Variants in ZFHX3 observed in about 807,000 individuals in gnomAD.
ZFHX3 encodes the protein zinc finger homeobox protein 3.
ZFHX3 carries 42 observed loss-of-function variants against 279.1 expected under a neutral mutation model. The ratio of observed to expected loss-of-function variants is 0.15; its 90% CI spans 0.12 to 0.19. The LOEUF is 0.19. ZFHX3 is among the 10% of genes least tolerant of loss of function. The pLI, the probability that ZFHX3 is intolerant of heterozygous loss-of-function variation, is 1.00. For missense variants in ZFHX3, 4,981 were observed against 4,754.0 expected (o/e 1.05, Z -1.40); for synonymous variants, 2,293 against 1,957.8 (o/e 1.17, Z -4.52).
At chr16:72,984,395 G>T (rs538410321) in intron 1 of ZFHX3, among the ~76,000 whole-genome samples, 2 of 152,322 alleles carry the variant, frequency 1.3e-5, no homozygotes, top group Admixed American at 1.3e-4. Context: ...GGGAGGCTGA[G>T]GTGGGAGGAT....
intron 1 of ZFHX3, among the ~76,000 whole-genome samples, chr16:73,754,222 C>T (rs1364911284): frequency 1.3e-5 from 2 of 152,142 alleles, no homozygotes; most frequent in Admixed American, 1.3e-4. Flanking sequence ...ACTCAAAAAA[C>T]GTCCGCAGCC....
chr16:72,964,149 T>C (rs1450442431), intron 1 of ZFHX3, among the ~76,000 whole-genome samples: 8 of 152,162 alleles, frequency 5.3e-5, no homozygotes, highest in Admixed American at 5.2e-4. Flanking sequence ...GCAGCATACA[T>C]CAAAGGCCTC....
At chr16:73,137,197 C>G (rs1966810443) in intron 6 of ZFHX3, 1 of 152,152 alleles carries the variant, frequency 6.6e-6, no homozygotes, top group Non-Finnish European at 1.5e-5. Context: ...CTAGCCAGTG[C>G]TATCTGGATA....
intron 3 of ZFHX3, among the ~76,000 whole-genome samples, chr16:73,390,558 T>A (rs1034169330): frequency 6.6e-5 from 10 of 152,152 alleles, no homozygotes; most frequent in African/African-American, 2.2e-4. Context: ...ACTCAACAAA[T>A]CATAAAGCAG....
upstream of ZFHX3, among the ~76,000 whole-genome samples, chr16:73,050,272 G>A (rs78156772): frequency 0.01 from 1,588 of 152,320 alleles, 32 homozygotes; most frequent in African/African-American, 0.036. Flanking sequence ...AGGCCCGGAC[G>A]GGATCTGCCC....
intron 1 of ZFHX3, among the ~76,000 whole-genome samples, chr16:73,881,108 T>C (rs2030131796): frequency 6.6e-6 from 1 of 152,160 alleles, no homozygotes. Flanking sequence ...AGTGTTTCTT[T>C]CTTTAAATGA....
intron 2 of ZFHX3, among the ~76,000 whole-genome samples, chr16:73,527,698 G>T (rs1175835209): frequency 6.6e-6 from 1 of 152,190 alleles, no homozygotes; most frequent in Non-Finnish European, 1.5e-5. Context: ...GAGGAAGCAA[G>T]CTACCATGTG....
At chr16:72,873,531 G>C (rs2038219687) in intron 4 of ZFHX3, among the ~76,000 whole-genome samples, 1 of 152,140 alleles carries the variant, frequency 6.6e-6, no homozygotes. Flanking sequence ...ATCACTACGT[G>C]TTTATAGATT....
chr16:73,644,367 C>T (rs983696824), intron 2 of ZFHX3, among the ~76,000 whole-genome samples: 5 of 152,060 alleles, frequency 3.3e-5, no homozygotes, highest in African/African-American at 1.2e-4. Context: ...CGGTTGAAAG[C>T]AGCAGTTTCC....
Position 73,329,219 on chromosome 16 carries a change from G to A in ZFHX3, c.-1290-10883C>T, listed in dbSNP as rs570407310. 1.7e-4 allele frequency among the ~76,000 whole-genome samples: 26 copies of A among 152,328 alleles called. 1 individual carries two copies. The South Asian group carries it at 2.5e-3, about 15-fold the overall frequency. The stretch of plus-strand genomic sequence containing the variant: ...CCAGATTCACCTCTGGTGTTTCATT[G>A]TGGATTCCACAATTCATCACGCTCT... On this transcript the variant is annotated intron_variant, in intron 3 of 17. Coordinates refer to the ZFHX3 transcript ENST00000641206.
At chr16:73,727,201 A>C (rs1597084403) in intron 1 of ZFHX3, among the ~76,000 whole-genome samples, 2 of 152,212 alleles carry the variant, frequency 1.3e-5, no homozygotes, top group South Asian at 4.1e-4. Flanking sequence ...AGCCAGATAC[A>C]GGTGAATCCT....
chr16:73,665,433 C>T (rs539128159), intron 2 of ZFHX3, among the ~76,000 whole-genome samples: 6 of 151,810 alleles, frequency 4.0e-5, no homozygotes, highest in Middle Eastern at 3.4e-3. Context: ...AGGCTGGCCT[C>T]GAACTCCTGA....
At chr16:73,635,205 T>C (rs2052516502) in intron 2 of ZFHX3, among the ~76,000 whole-genome samples, 1 of 152,208 alleles carries the variant, frequency 6.6e-6, no homozygotes, top group African/African-American at 2.4e-5. Flanking sequence ...AAGATCTTTA[T>C]ATGGTATAAT....
At chr16:72,883,039 T>C (rs1437188840) in intron 4 of ZFHX3, among the ~76,000 whole-genome samples, 1 of 139,430 alleles carries the variant, frequency 7.2e-6, no homozygotes, top group Non-Finnish European at 1.6e-5. Flanking sequence ...TGTGTGTGTG[T>C]GTGTGTGTGT....
At chr16:72,925,012 C>T (rs554628885) in intron 3 of ZFHX3, among the ~76,000 whole-genome samples, 2 of 152,294 alleles carry the variant, frequency 1.3e-5, no homozygotes, top group South Asian at 2.1e-4. Context: ...CAGGCAGTCA[C>T]GGGGGTGGTT....
intron 3 of ZFHX3, among the ~76,000 whole-genome samples, chr16:73,385,987 G>A (rs2016894910): frequency 1.3e-5 from 2 of 152,086 alleles, no homozygotes; most frequent in Admixed American, 1.3e-4. Flanking sequence ...TGTGTGAAAT[G>A]GTGGGGGGTG....
chr16:73,651,580 G>A (rs1239942679), intron 2 of ZFHX3, among the ~76,000 whole-genome samples: 1 of 149,104 alleles, frequency 6.7e-6, no homozygotes, highest in African/African-American at 2.5e-5. Context: ...GCTCACGCCT[G>A]TAATCCACTA....
At chr16:73,523,621 GTTTTT>G (rs3087040) in intron 2 of ZFHX3, among the ~76,000 whole-genome samples, 2 of 144,164 alleles carry the variant, frequency 1.4e-5, no homozygotes, top group Non-Finnish European at 3.0e-5. Flanking sequence ...TGGAAGCTGG[GTTTTT>G]TTTTTTTTTT....
chr16:73,261,757 C>G (rs1324339335), intron 4 of ZFHX3, among the ~76,000 whole-genome samples: 1 of 146,194 alleles, frequency 6.8e-6, no homozygotes, highest in Non-Finnish European at 1.5e-5. Flanking sequence ...CTCACCGCAA[C>G]TTCCGCCTCC....
Sources: allele counts gnomAD v4.1 joint callset (sites outside exome capture counted in the v4.1 genomes callset), GRCh38; gene constraint gnomAD v4.1.1; transcripts MANE v1.5; gene names NCBI Gene and HGNC (gene_info 2026-07-23, HGNC 2026-07-21).